RABGAP1L: variants seen among roughly 807,000 people sequenced by gnomAD.
RABGAP1L encodes the protein RAB GTPase activating protein 1 like.
RABGAP1L carries 63 observed loss-of-function variants against 137.7 expected under a neutral mutation model. The observed-to-expected ratio is 0.46, with a 90% CI of 0.37 to 0.56. The LOEUF is 0.56. RABGAP1L is among the 20% of genes least tolerant of loss of function. The probability of loss-of-function intolerance (pLI) is 0.00; values close to 1 mark genes in which losing one functional copy is unlikely to be tolerated. For synonymous variants in RABGAP1L, 431 were observed against 433.7 expected (o/e 0.99, Z 0.08); for missense variants, 1,095 against 1,244.0 (o/e 0.88, Z 1.80).
At chr1:174,380,047 A>C (rs1164984760) in intron 12 of RABGAP1L, among the ~76,000 whole-genome samples, 1 of 137,774 alleles carries the variant, frequency 7.3e-6, no homozygotes, top group African/African-American at 2.8e-5. Context: ...TGAGATAATC[A>C]TGTGGTTTTT....
At chr1:174,611,171 G>C (rs914061363) in intron 13 of RABGAP1L, among the ~76,000 whole-genome samples, 4 of 147,588 alleles carry the variant, frequency 2.7e-5, no homozygotes, top group South Asian at 2.2e-4. Context: ...TTTTCTTCTA[G>C]GGTTTTTATG....
intron 13 of RABGAP1L, among the ~76,000 whole-genome samples, chr1:174,589,361 C>T (rs57943240): frequency 0.016 from 2,371 of 152,182 alleles, 66 homozygotes; most frequent in African/African-American, 0.054. Context: ...CATCATTTGT[C>T]AGATGAAGTT....
At chr1:174,308,613 A>G (rs189366447) in intron 11 of RABGAP1L, among the ~76,000 whole-genome samples, 2 of 152,174 alleles carry the variant, frequency 1.3e-5, no homozygotes, top group Non-Finnish European at 2.9e-5. Flanking sequence ...AGTTTTTCCA[A>G]AACCATTTAT....
intron 13 of RABGAP1L, among the ~76,000 whole-genome samples, chr1:174,552,070 T>C (rs2147989139): frequency 6.6e-6 from 1 of 152,352 alleles, no homozygotes; most frequent in East Asian, 1.9e-4. Flanking sequence ...TTTCTTCTTT[T>C]TTAAAAAAGA....
At chr1:174,946,154 T>C (rs183211983) in intron 19 of RABGAP1L, among the ~76,000 whole-genome samples, 46 of 152,286 alleles carry the variant, frequency 3.0e-4, no homozygotes, top group Admixed American at 2.9e-3. Context: ...TTAGGTTCAT[T>C]ACCTCTCAGT....
intron 19 of RABGAP1L, among the ~76,000 whole-genome samples, chr1:174,868,025 G>A (rs1449561931): frequency 1.3e-5 from 2 of 152,006 alleles, no homozygotes; most frequent in Non-Finnish European, 2.9e-5. Flanking sequence ...GAGTGCAGTG[G>A]CACGATCTCT....
chr1:174,709,522 T>C (rs950719515), intron 17 of RABGAP1L, among the ~76,000 whole-genome samples: 1 of 152,148 alleles, frequency 6.6e-6, no homozygotes, highest in African/African-American at 2.4e-5. Flanking sequence ...GCTGGTGATA[T>C]ACCCAGGCAA....
At chr1:174,648,854 T>G (rs1284387609) in intron 14 of RABGAP1L, among the ~76,000 whole-genome samples, 1 of 152,182 alleles carries the variant, frequency 6.6e-6, no homozygotes, top group Non-Finnish European at 1.5e-5. Flanking sequence ...TGTAGGTCTC[T>G]AAGAACTTGT....
chr1:174,674,037 A>T (rs1273890298), intron 14 of RABGAP1L, among the ~76,000 whole-genome samples: 1 of 151,622 alleles, frequency 6.6e-6, no homozygotes, highest in Non-Finnish European at 1.5e-5. Context: ...TTGTAATAAA[A>T]TAAATTGTTT....
intron 13 of RABGAP1L, chr1:174,449,204 C>G: frequency 6.4e-7 from 1 of 1,552,728 alleles, no homozygotes; most frequent in Non-Finnish European, 8.7e-7. Context: ...TTGAAGAGAG[C>G]TACATAGTAA....
At chr1:174,790,911 C>T (rs995979442) in intron 18 of RABGAP1L, among the ~76,000 whole-genome samples, 2 of 151,960 alleles carry the variant, frequency 1.3e-5, no homozygotes, top group African/African-American at 4.8e-5. Context: ...AAAAATGAGG[C>T]TGAGCGTGGT....
chr1:174,297,725 TG>T (rs1216382907), intron 10 of RABGAP1L, among the ~76,000 whole-genome samples: 1 of 152,046 alleles, frequency 6.6e-6, no homozygotes, highest in Non-Finnish European at 1.5e-5. Context: ...TCTGGTTGCA[TG>T]ATTGTTTGGA....
intron 23 of RABGAP1L, among the ~76,000 whole-genome samples, chr1:174,981,550 C>CTTTTTTTTTTTTTTTTTTTTTTTTTTTTT (rs10556099): frequency 3.0e-5 from 2 of 66,406 alleles, no homozygotes; most frequent in African/African-American, 6.7e-5. Context: ...GTTTTTCCAT[C>CTTTTTTTTTTTTTTTTTTTTTTTTTTTTT]TTTTTTTTTT....
intron 5 of RABGAP1L, among the ~76,000 whole-genome samples, chr1:174,249,710 A>G (rs557422616): frequency 2.1e-4 from 32 of 150,312 alleles, no homozygotes; most frequent in South Asian, 1.9e-3. Context: ...CGGTGGTGCA[A>G]TGGCTCACTG....
intron 13 of RABGAP1L, among the ~76,000 whole-genome samples, chr1:174,407,295 C>T (rs1202338168): frequency 2.7e-5 from 4 of 148,436 alleles, no homozygotes; most frequent in Non-Finnish European, 4.4e-5. Flanking sequence ...TTTTGTGTCT[C>T]TTTATGTTTT....
chr1:174,445,675 G>A (rs1654664208), intron 13 of RABGAP1L, among the ~76,000 whole-genome samples: 1 of 152,152 alleles, frequency 6.6e-6, no homozygotes, highest in African/African-American at 2.4e-5. Flanking sequence ...TTTAGTTCAT[G>A]AAGACTTGGC....
chr1:174,442,964 G>A (rs762831323), intron 13 of RABGAP1L, among the ~76,000 whole-genome samples: 7 of 152,060 alleles, frequency 4.6e-5, no homozygotes, highest in Admixed American at 2.0e-4. Context: ...GTGAGAGTAT[G>A]CAACATTTGT....
chr1:174,711,407 G>A (rs1255692954), intron 17 of RABGAP1L, among the ~76,000 whole-genome samples: 2 of 152,066 alleles, frequency 1.3e-5, no homozygotes, highest in Non-Finnish European at 2.9e-5. Flanking sequence ...GGAGAGGCGT[G>A]GGTGGGAACC....
chr1:174,903,629 A>C (rs1658503100), intron 19 of RABGAP1L, among the ~76,000 whole-genome samples: 1 of 152,124 alleles, frequency 6.6e-6, no homozygotes, highest in Non-Finnish European at 1.5e-5. Flanking sequence ...GCCATATAAC[A>C]CTGGATATAG....
Sources: allele counts gnomAD v4.1 joint callset (sites outside exome capture counted in the v4.1 genomes callset), GRCh38; gene constraint gnomAD v4.1.1; transcripts MANE v1.5; gene names NCBI Gene and HGNC (gene_info 2026-07-23, HGNC 2026-07-21).